The following KCNMA1 variants were observed in gnomAD, a reference collection of about 807,000 sequenced individuals.
KCNMA1 encodes the protein Calcium-activated potassium channel subunit alpha-1.
Under a neutral mutation model 140.0 loss-of-function variants are expected in KCNMA1, and 29 were observed. The ratio of observed to expected loss-of-function variants is 0.21; its 90% CI spans 0.15 to 0.28. The LOEUF (loss-of-function observed/expected upper bound fraction) is 0.28. Ranked by LOEUF, KCNMA1 falls within the 10% of genes least tolerant of loss-of-function variation. The probability of loss-of-function intolerance (pLI) is 1.00; values close to 1 mark genes in which losing one functional copy is unlikely to be tolerated. For synonymous variants in KCNMA1, 612 were observed against 611.9 expected (o/e 1.00, Z 0.00); for missense variants, 880 against 1,602.2 (o/e 0.55, Z 7.70).
Position 77,108,324 on chromosome 10 carries a change from AT to A in KCNMA1, c.1223+156del, listed in dbSNP as rs1461905002. On this transcript the variant is annotated intron_variant, in intron 9 of 27. Coordinates refer to ENST00000286628, the MANE Select transcript of KCNMA1 (RefSeq NM_001161352.2). This position sits in a 1 kb window ranked among gnomAD's most constrained non-coding sequence, Gnocchi z 4.6. ...GTTTGTTAAAAGTCCCGCCGAATTT[AT>A]TCCGACTCAGGATGAGAGCAGCAAT... 1 of 1,541,790 alleles carries A rather than the reference AT, an allele frequency of 6.5e-7. No individual in the cohort carries two copies. The highest frequency in any genetic ancestry group is 1.4e-5 in the African/African-American group (1 of 72,420).
At chr10:77,028,019 T>G (rs1348801655) in intron 15 of KCNMA1, 128 bp from the exon 16 acceptor site, 1 of 839,216 alleles carries the variant, frequency 1.2e-6, no homozygotes, top group African/African-American at 1.7e-5. Flanking sequence ...CCACCGGCAC[T>G]GTGCCAAAGG....
intron 25 of KCNMA1, among the ~76,000 whole-genome samples, chr10:76,908,957 C>G (rs149988434): frequency 5.9e-5 from 9 of 152,172 alleles, no homozygotes; most frequent in Admixed American, 1.3e-4. Context: ...ATTTTTTAAT[C>G]GTTATTTGTT....
At chr10:77,038,397 CCT>C (rs1441258158) in intron 15 of KCNMA1, among the ~76,000 whole-genome samples, 3 of 152,156 alleles carry the variant, frequency 2.0e-5, no homozygotes, top group Admixed American at 2.0e-4. Context: ...CCCAGATACC[CCT>C]GTTTCTTCCC....
chr10:77,370,420 C>T (rs1056250349), intron 2 of KCNMA1, among the ~76,000 whole-genome samples: 7 of 152,290 alleles, frequency 4.6e-5, no homozygotes, highest in African/African-American at 1.4e-4. Flanking sequence ...AGCCCTTCCA[C>T]ATATGATAAG....
At chr10:77,511,653 A>C (rs766113391) in intron 1 of KCNMA1, among the ~76,000 whole-genome samples, 94 of 152,224 alleles carry the variant, frequency 6.2e-4, no homozygotes, top group Non-Finnish European at 7.8e-4. Flanking sequence ...GTAAGTGCTC[A>C]ATAAAGATTG....
intron 9 of KCNMA1, among the ~76,000 whole-genome samples, chr10:77,105,599 G>A (rs2097184061): frequency 6.6e-6 from 1 of 152,120 alleles, no homozygotes; most frequent in South Asian, 2.1e-4. Context: ...ATTTGATTGG[G>A]TCCTGGGGAG....
intron 14 of KCNMA1, among the ~76,000 whole-genome samples, chr10:77,052,305 T>G (rs1458469486): frequency 6.6e-6 from 1 of 152,130 alleles, no homozygotes; most frequent in African/African-American, 2.4e-5. Context: ...TGGGTAGATA[T>G]GATGATAAGG....
intron 3 of KCNMA1, among the ~76,000 whole-genome samples, chr10:77,210,637 GATA>G (rs2045754901): frequency 6.6e-6 from 1 of 152,166 alleles, no homozygotes; most frequent in African/African-American, 2.4e-5. Context: ...TCTCTTCACT[GATA>G]ATATTACTCT....
chr10:77,558,524 C>T (rs758748016), intron 1 of KCNMA1, among the ~76,000 whole-genome samples: 9 of 152,190 alleles, frequency 5.9e-5, no homozygotes, highest in South Asian at 2.1e-4. Flanking sequence ...GGAAAAAGAC[C>T]ACAGCTTCTG....
intron 2 of KCNMA1, among the ~76,000 whole-genome samples, chr10:77,394,636 C>A (rs949914205): frequency 1.3e-4 from 20 of 152,304 alleles, no homozygotes; most frequent in Admixed American, 3.3e-4. Context: ...AACTTGGGGA[C>A]CCACCTGGCT....
At chr10:77,310,850 C>T (rs915721833) in intron 2 of KCNMA1, among the ~76,000 whole-genome samples, 1 of 152,164 alleles carries the variant, frequency 6.6e-6, no homozygotes, top group Admixed American at 6.5e-5. Context: ...CACTTCAGCC[C>T]CACATGAACA....
intron 5 of KCNMA1, among the ~76,000 whole-genome samples, chr10:77,168,955 T>C (rs189808371): frequency 1.8e-4 from 28 of 152,348 alleles, no homozygotes; most frequent in Admixed American, 1.8e-3. Flanking sequence ...CGAATGAACA[T>C]GGCTATGTTC....
At chr10:77,370,721 G>A (rs947804517) in intron 2 of KCNMA1, among the ~76,000 whole-genome samples, 1 of 152,156 alleles carries the variant, frequency 6.6e-6, no homozygotes, top group Non-Finnish European at 1.5e-5. Flanking sequence ...TGGAGCATGT[G>A]GAGAGACTCA....
At chr10:77,451,906 AGGC>A (rs960638396) in intron 1 of KCNMA1, among the ~76,000 whole-genome samples, 5 of 152,348 alleles carry the variant, frequency 3.3e-5, no homozygotes, top group African/African-American at 1.2e-4. Flanking sequence ...ACAGGAAACT[AGGC>A]CTAACAAGTA....
At chr10:77,001,672 A>C in intron 18 of KCNMA1, 92 bp from the exon 19 acceptor site, 1 of 1,005,432 alleles carries the variant, frequency 9.9e-7, no homozygotes, top group East Asian at 2.6e-5. Context: ...AGCTGAAGGG[A>C]TTTAACACAG....
At chr10:77,630,288 T>C (rs2093027862) in intron 1 of KCNMA1, among the ~76,000 whole-genome samples, 1 of 151,974 alleles carries the variant, frequency 6.6e-6, no homozygotes, top group African/African-American at 2.4e-5. Context: ...TGCAAGGAGG[T>C]AGTTTGGCTG....
At chr10:77,299,982 C>G (rs1423620754) in intron 2 of KCNMA1, among the ~76,000 whole-genome samples, 1 of 152,172 alleles carries the variant, frequency 6.6e-6, no homozygotes, top group African/African-American at 2.4e-5. Context: ...CTGTTCAGCC[C>G]AGTCAGTGTG....
intron 3 of KCNMA1, among the ~76,000 whole-genome samples, chr10:77,202,786 A>G (rs1438358105): frequency 6.6e-6 from 1 of 152,226 alleles, no homozygotes; most frequent in Non-Finnish European, 1.5e-5. Context: ...CTCTACTAAA[A>G]TAAGTTGTCA....
At chr10:77,104,306 C>T (rs1363060082) in intron 9 of KCNMA1, among the ~76,000 whole-genome samples, 1 of 152,180 alleles carries the variant, frequency 6.6e-6, no homozygotes, top group Non-Finnish European at 1.5e-5. Flanking sequence ...CAAGAGAAGC[C>T]ACAGCATTTA....
Sources: gnomAD v4.1 joint callset for allele counts (sites outside exome capture counted in the v4.1 genomes callset) on GRCh38, gnomAD v4.1.1 for gene constraint, Gnocchi (gnomAD v3.1) non-coding constraint, MANE v1.5 for transcripts, NCBI Gene and HGNC (gene_info 2026-07-23, HGNC 2026-07-21) for gene names.